FHDC1: variants seen among roughly 807,000 people sequenced by gnomAD.
FHDC1 encodes FH2 domain-containing protein 1.
FHDC1 carries 25 observed loss-of-function variants against 52.6 expected under a neutral mutation model. That is an observed-to-expected ratio of 0.48 (90% CI 0.35 to 0.66). FHDC1 has a LOEUF of 0.66. FHDC1 is among the 30% of genes least tolerant of loss of function. The probability of loss-of-function intolerance (pLI) is 0.01; values close to 1 mark genes in which losing one functional copy is unlikely to be tolerated. For missense variants in FHDC1, 1,459 were observed against 1,452.8 expected (o/e 1.00, Z -0.07); for synonymous variants, 616 against 581.5 (o/e 1.06, Z -0.85).
At chr4:152,972,273 A>T (rs1342727509) in intron 10 of FHDC1, 104 bp from the exon 11 acceptor site, 1 of 1,203,264 alleles carries the variant, frequency 8.3e-7, no homozygotes. Context: ...CAAGACCTGA[A>T]ATGAAACCCC....
chr4:152,932,564 T>C (rs1344937550), upstream of FHDC1, among the ~76,000 whole-genome samples: 1 of 152,266 alleles, frequency 6.6e-6, no homozygotes, highest in African/African-American at 2.4e-5. Flanking sequence ...TCTGCAAATC[T>C]GTTTAACCAT....
At chr4:152,923,484 T>A in the FHDC1 span, among the ~76,000 whole-genome samples, 1 of 152,172 alleles carries the variant, frequency 6.6e-6, no homozygotes, top group African/African-American at 2.4e-5. Flanking sequence ...CCAATGACTT[T>A]CTTCACAGAA....
At chr4:152,973,900 G>C (rs904176718) in intron 11 of FHDC1, among the ~76,000 whole-genome samples, 4 of 152,222 alleles carry the variant, frequency 2.6e-5, no homozygotes, top group Non-Finnish European at 5.9e-5. Flanking sequence ...GGGTTCTCTG[G>C]AGCAGGGTGA....
chr4:152,962,946 TGTG>T (rs1740325106), intron 7 of FHDC1, 62 bp downstream of exon 7: 155 of 1,234,098 alleles, frequency 1.3e-4, no homozygotes, highest in African/African-American at 5.5e-4. Context: ...TAAAGGTGTG[TGTG>T]TGTGTGTGTG....
In FHDC1 at chr4:152,979,184, C is replaced by T. The variant is rs1298994024; in HGVS notation, c.*2461C>T. 6.6e-6 allele frequency: 1 copy of T among 152,180 alleles called. No individual in the cohort carries two copies. The highest frequency in any genetic ancestry group is 1.5e-5 in the Non-Finnish European group (1 of 68,050). The allele number at this position is 152,180 out of a possible 1,614,324, so 9.4% of individuals were successfully genotyped here. ...TGGATGCTGGGTGACTTTGGGAAGT[C>T]ACCACCTCTTCCCAAGCCTGTTTCC... On this transcript the variant is annotated 3_prime_UTR_variant, in exon 12 of 12. Coordinates refer to ENST00000511601, the MANE Select transcript of FHDC1 (RefSeq NM_001371116.1).
At chr4:152,942,332 C>A (rs769221368) in intron 1 of FHDC1, among the ~76,000 whole-genome samples, 22 of 152,178 alleles carry the variant, frequency 1.4e-4, no homozygotes, top group Non-Finnish European at 1.6e-4. Context: ...TTTTTCATAT[C>A]TGCTGTTCTT....
chr4:152,924,656 T>C, the FHDC1 span, among the ~76,000 whole-genome samples: 2 of 152,110 alleles, frequency 1.3e-5, no homozygotes, highest in Non-Finnish European at 2.9e-5. Context: ...GTGGCACATA[T>C]ACACCATGGA....
chr4:152,926,114 G>A, the FHDC1 span, among the ~76,000 whole-genome samples: 1 of 151,566 alleles, frequency 6.6e-6, no homozygotes, highest in Non-Finnish European at 1.5e-5. Context: ...TCCTCATGCA[G>A]CAGAGGGTGG....
chr4:152,970,362 C>A (rs186688105), intron 10 of FHDC1, among the ~76,000 whole-genome samples: 4 of 152,318 alleles, frequency 2.6e-5, no homozygotes, highest in Admixed American at 2.6e-4. Flanking sequence ...CCATTTCTGG[C>A]CCTAATCATG....
intron 2 of FHDC1, among the ~76,000 whole-genome samples, chr4:152,945,194 C>CAG (rs139114826): frequency 3.3e-4 from 50 of 151,462 alleles, no homozygotes; most frequent in East Asian, 1.2e-3. Context: ...AAGAACCACT[C>CAG]AGAGAGAGAG....
chr4:152,975,301 TAAG>T lies in FHDC1; in HGVS notation c.2011_2013del (p.Lys671del), dbSNP rs1740821757. On this transcript the variant is annotated inframe_deletion, in exon 12 of 12. Coordinates refer to ENST00000511601, the MANE Select transcript of FHDC1 (RefSeq NM_001371116.1). ...CTCTCTCGCCATTGGCTCTGGGAAT[TAAG>T]GAGCATGAGCTGGTGACAGGGCTGG... 2 of 1,613,498 alleles carry T rather than the reference TAAG, an allele frequency of 1.2e-6. No homozygotes were observed. The highest frequency in any genetic ancestry group is 1.3e-5 in the African/African-American group (1 of 74,918).
chr4:152,959,281 T>C (rs1481933740), intron 4 of FHDC1, among the ~76,000 whole-genome samples: 2 of 152,254 alleles, frequency 1.3e-5, no homozygotes, highest in Non-Finnish European at 2.9e-5. Flanking sequence ...GGTTTTGCCA[T>C]GGGAATGGCC....
At chr4:152,969,339 A>T (rs949156795) in intron 10 of FHDC1, among the ~76,000 whole-genome samples, 1 of 152,176 alleles carries the variant, frequency 6.6e-6, no homozygotes, top group African/African-American at 2.4e-5. Flanking sequence ...GTTTATTTTT[A>T]TTATTAAACA....
chr4:152,938,287 C>T (rs1471032506), intron 1 of FHDC1, among the ~76,000 whole-genome samples: 9 of 148,384 alleles, frequency 6.1e-5, no homozygotes, highest in African/African-American at 1.7e-4. Context: ...GTGTTGGTCT[C>T]GGGCGCCTAT....
Position 152,975,116 on chromosome 4 carries a change from G to C in FHDC1, c.1825G>C (p.Glu609Gln). The change falls in exon 12 of 12, where the codon GAG becomes CAG. Residue 609 changes from glutamate (E) to glutamine (Q), a missense_variant. Transcript: ENST00000511601. The part of the protein sequence containing the change: ...AHKPQASGGQ[E>Q]EAPNPPSAQA... ...CAAACCTCAGGCCTCGGGGGGCCAGGAGGAGGCCCCCAACCCACCCTCAGC... is the reference window on the plus strand; with the variant it reads ...CAAACCTCAGGCCTCGGGGGGCCAGCAGGAGGCCCCCAACCCACCCTCAGC... 6.2e-7 allele frequency: 1 copy of C among 1,612,700 alleles called. No individual in the cohort carries two copies. Among genetic ancestry groups the C allele is most frequent in the Non-Finnish European group, 8.5e-7 (1 of 1,179,988 alleles).
chr4:152,949,755 G>A (rs13125685), intron 2 of FHDC1, among the ~76,000 whole-genome samples: 4,308 of 152,316 alleles, frequency 0.028, 94 homozygotes, highest in Non-Finnish European at 0.041. Flanking sequence ...CCCCCTGGCA[G>A]TTGCGGGGAA....
At chr4:152,945,964 C>T (rs1739719562) in intron 2 of FHDC1, among the ~76,000 whole-genome samples, 1 of 152,220 alleles carries the variant, frequency 6.6e-6, no homozygotes. Flanking sequence ...TTAGGTACCT[C>T]CTGTAGATGG....
At chr4:152,962,728 C>T in intron 6 of FHDC1, 86 bp from the exon 7 acceptor site, 1 of 1,090,722 alleles carries the variant, frequency 9.2e-7, no homozygotes, top group East Asian at 2.4e-5. Flanking sequence ...GCTTCAGATA[C>T]ACTTGAACTT....
At chr4:152,967,507 A>G (rs1283657723) in intron 9 of FHDC1, among the ~76,000 whole-genome samples, 1 of 152,086 alleles carries the variant, frequency 6.6e-6, no homozygotes, top group Non-Finnish European at 1.5e-5. Context: ...CCACCTGTGG[A>G]ATCTGCTATT....
Sources: allele counts gnomAD v4.1 joint callset (sites outside exome capture counted in the v4.1 genomes callset), GRCh38; gene constraint gnomAD v4.1.1; transcripts MANE v1.5; gene names NCBI Gene and HGNC (gene_info 2026-07-23, HGNC 2026-07-21).